Variants in TNRC6A observed in about 807,000 individuals in gnomAD.
TNRC6A encodes trinucleotide repeat containing adaptor 6A, also known as trinucleotide repeat-containing gene 6A protein.
A neutral mutation model predicts 221.2 loss-of-function variants in TNRC6A; 44 were observed. The ratio of observed to expected loss-of-function variants is 0.20; its 90% CI spans 0.16 to 0.26. The LOEUF is 0.26. TNRC6A is among the 10% of genes least tolerant of loss of function. The pLI, the probability that TNRC6A is intolerant of heterozygous loss-of-function variation, is 1.00. For synonymous variants in TNRC6A, 847 were observed against 838.5 expected, an observed-to-expected ratio of 1.01 and a Z score of -0.18; for missense variants, 2,199 against 2,404.4, an observed-to-expected ratio of 0.91 and a Z score of 1.79.
intron 2 of TNRC6A, among the ~76,000 whole-genome samples, chr16:24,709,746 G>T (rs1416670585): frequency 6.7e-6 from 1 of 149,936 alleles, no homozygotes; most frequent in Non-Finnish European, 1.5e-5. Flanking sequence ...GATCACTTGA[G>T]CCCAGGAGGT....
In TNRC6A at chr16:24,793,577, C is replaced by T. The variant is rs1161635265; in HGVS notation, c.3280C>T (p.Pro1094Ser). ...PIDSGPSWGE[P>S]IAAASSTSTW... Reference sequence around the variant, plus strand: ...AGACAGTGGTCCCAGCTGGGGGGAACCCATTGCTGCGGCATCCAGCACATC... The same window carrying T: ...AGACAGTGGTCCCAGCTGGGGGGAATCCATTGCTGCGGCATCCAGCACATC... The change falls in exon 7 of 25, where the codon CCC (proline) becomes TCC (serine). Residue 1094 changes from proline to serine, a missense_variant. By Grantham distance (74) the Pro-to-Ser change is moderately conservative (BLOSUM62 -1). Around this residue, in one of 8 missense-constraint regions of TNRC6A, gnomAD observed 1,405 missense variants for 1,400.2 expected, o/e 1.00. Transcript: ENST00000395799. 6.4e-7 allele frequency: 1 copy of T among 1,566,784 alleles called. No individual in the cohort carries two copies. The highest frequency in any genetic ancestry group is 8.7e-7 in the Non-Finnish European group (1 of 1,155,384).
intron 18 of TNRC6A, 129 bp from the exon 19 acceptor site, chr16:24,815,018 G>A: frequency 3.1e-6 from 3 of 953,910 alleles, no homozygotes; most frequent in South Asian, 1.7e-5. Context: ...ATATAAAAGA[G>A]TTACTCTAGA....
chr16:24,640,001 C>CA (rs1901855251), intron 1 of TNRC6A, among the ~76,000 whole-genome samples: 1 of 152,120 alleles, frequency 6.6e-6, no homozygotes, highest in Non-Finnish European at 1.5e-5. Flanking sequence ...ATGATAGGTG[C>CA]AATCTCATGT....
chr16:24,613,490 T>C (rs1900175510), intron 1 of TNRC6A, among the ~76,000 whole-genome samples: 1 of 139,028 alleles, frequency 7.2e-6, no homozygotes, highest in Admixed American at 7.7e-5. Flanking sequence ...TTTTATTTTA[T>C]TTTATTTTAT....
rs148540830 is a variant in TNRC6A at position 24,789,550 on chromosome 16, A to C, written c.908A>C (p.Asn303Thr). Residue 303 changes from asparagine (N) to threonine (T), a missense_variant, in exon 6 of 25, where the codon AAT (asparagine) becomes ACT (threonine). This residue lies in a region of TNRC6A where 1,405 missense variants were observed against 1,400.2 expected (regional missense o/e 1.00). Coordinates refer to ENST00000395799, the MANE Select transcript of TNRC6A (RefSeq NM_014494.4). ...TTTGTAGTTGGTAGCAGCAGCAATA[A>C]TGTGGGCCATGGAAGTAGTACTGGG... The part of the protein sequence containing the change: ...NKFVVGSSSN[N>T]VGHGSSTGPW... The C allele has an allele frequency of 2.9e-5, 47 of 1,614,144 alleles. No individual in the cohort carries two copies. In the African/African-American group the frequency reaches 5.6e-4, roughly 19 times the overall value.
Position 24,789,269 on chromosome 16 carries a change from T to G in TNRC6A, c.627T>G (p.Asn209Lys). The G allele has an allele frequency of 6.2e-7, 1 of 1,610,166 alleles. No homozygotes were observed. The highest frequency in any genetic ancestry group is 8.5e-7 in the Non-Finnish European group (1 of 1,178,138). ...NHSTSGSHYENSQRGPVSSTS... is the reference protein window; with the variant it reads ...NHSTSGSHYEKSQRGPVSSTS... ...GTACTTCAGGATCCCATTATGAAAA[T>G]TCCCAGCGGGGACCTGTGTCTTCTA... is the stretch of plus-strand genomic sequence containing the variant. The change falls in exon 6 of 25, where the codon AAT becomes AAG. Residue 209 changes from asparagine to lysine, a missense_variant. Asn to Lys is a moderately conservative substitution (Grantham distance 94). Around this residue, in one of 8 missense-constraint regions of TNRC6A, gnomAD observed 1,405 missense variants for 1,400.2 expected, o/e 1.00. Coordinates refer to ENST00000395799, the MANE Select transcript of TNRC6A (RefSeq NM_014494.4).
At chr16:24,782,331 G>A (rs1267216044) in intron 5 of TNRC6A, among the ~76,000 whole-genome samples, 1 of 152,194 alleles carries the variant, frequency 6.6e-6, no homozygotes, top group East Asian at 1.9e-4. Flanking sequence ...TTGTGATATT[G>A]CATTTGTCTT....
intron 2 of TNRC6A, among the ~76,000 whole-genome samples, chr16:24,648,441 T>TTTA (rs1326772955): frequency 1.3e-5 from 2 of 151,960 alleles, no homozygotes; most frequent in African/African-American, 4.8e-5. Context: ...TGGCTAATTT[T>TTTA]TTGTATTTTT....
intron 2 of TNRC6A, among the ~76,000 whole-genome samples, chr16:24,717,423 C>T (rs941782152): frequency 5.3e-5 from 8 of 152,030 alleles, no homozygotes; most frequent in Non-Finnish European, 7.4e-5. Flanking sequence ...AAAAGCTGGG[C>T]GCCATTATCA....
At position 24,816,973 on chromosome 16, in the gene TNRC6A, A is replaced by G. The variant is rs895981646; in HGVS notation, c.4972+17A>G. The G allele has an allele frequency of 6.2e-6, 10 of 1,606,358 alleles. No individual in the cohort carries two copies. The African/African-American group carries it at 9.4e-5, about 15-fold the overall frequency. ...GGAACAGTGGTACGTAGGGGGTGCA[A>G]ATCAATTTCTGAGTGACACTTAACA... is the stretch of plus-strand genomic sequence containing the variant. On this transcript the variant is annotated intron_variant, in intron 20 of 24. Transcript: ENST00000395799.
chr16:24,634,375 A>G (rs1450547481), intron 1 of TNRC6A, among the ~76,000 whole-genome samples: 1 of 152,142 alleles, frequency 6.6e-6, no homozygotes, highest in Non-Finnish European at 1.5e-5. Flanking sequence ...GGTTGCAGTG[A>G]GCCGAGATCA....
chr16:24,792,613 CTTT>C (rs34670934), intron 6 of TNRC6A, among the ~76,000 whole-genome samples: 1,811 of 55,972 alleles, frequency 0.032, 2 homozygotes, highest in Non-Finnish European at 0.043. Context: ...ACATTTATGG[CTTT>C]TTTTTTTTTT....
chr16:24,757,174 T>G (rs1308143546), intron 3 of TNRC6A, among the ~76,000 whole-genome samples: 2 of 152,134 alleles, frequency 1.3e-5, no homozygotes, highest in African/African-American at 4.8e-5. Flanking sequence ...GAGTAAAAGA[T>G]GAGCCTCCAT....
chr16:24,664,585 AT>A (rs1234162411), intron 2 of TNRC6A, among the ~76,000 whole-genome samples: 14 of 143,972 alleles, frequency 9.7e-5, no homozygotes, highest in African/African-American at 3.5e-4. Context: ...TTATTTAAAT[AT>A]TTTAAATATA....
Position 24,729,723 on chromosome 16 carries a change from GGT to G in TNRC6A, c.-118_-117del. The G allele has an allele frequency of 4.3e-6, 5 of 1,169,698 alleles. No individual in the cohort carries two copies. The highest frequency in any genetic ancestry group is 2.6e-5 in the South Asian group (1 of 37,990). 72.5% of individuals were successfully genotyped at this position (1,169,698 alleles called of 1,614,324 possible). ...GGCGGCGGCGGCGGCGGCGGCAGCG[GGT>G]CGGTGTAGAAAATGGCGCTGGTGCA... On this transcript the variant is annotated 5_prime_UTR_variant, in exon 1 of 25. Transcript: ENST00000395799.
At chr16:24,706,691 CAAAAAAA>C (rs372757286) in intron 2 of TNRC6A, among the ~76,000 whole-genome samples, 1 of 85,506 alleles carries the variant, frequency 1.2e-5, no homozygotes, top group African/African-American at 4.4e-5. Flanking sequence ...GACTCTGTCT[CAAAAAAA>C]AAAAAAAAAA....
intron 2 of TNRC6A, among the ~76,000 whole-genome samples, chr16:24,645,851 A>AAAAAAAAAAAAAAAAC (rs1902256487): frequency 7.2e-6 from 1 of 138,168 alleles, no homozygotes; most frequent in Non-Finnish European, 1.5e-5. Flanking sequence ...AAAAAAAAAA[A>AAAAAAAAAAAAAAAAC]AAAAAAAAAA....
At position 24,822,894 on chromosome 16, in the gene TNRC6A, C is replaced by T. The variant is rs2058795648; in HGVS notation, c.5394C>T (p.Arg1798=). ...CCTAGATCGATGGCTCAACTCTGCG[C>T]ACTCTGTGCATGCAGCACGGCCCGC... is the stretch of plus-strand genomic sequence containing the variant. ...LTPQIDGSTL[R]TLCMQHGPLI... is the part of the protein sequence containing the mutation. Residue 1798 remains arginine, a synonymous_variant, in exon 24 of 25, where the codon CGC becomes CGT. Transcript: ENST00000395799. 2 of 1,613,908 alleles carry T rather than the reference C, an allele frequency of 1.2e-6. No homozygotes were observed. Among genetic ancestry groups the T allele is most frequent in the East Asian group, 2.2e-5 (1 of 44,890 alleles).
chr16:24,771,791 G>C (rs2057617089), intron 4 of TNRC6A, among the ~76,000 whole-genome samples: 1 of 152,072 alleles, frequency 6.6e-6, no homozygotes, highest in Admixed American at 6.5e-5. Flanking sequence ...GACCCTTTCA[G>C]AGTTTCTGCT....
Sources: allele counts gnomAD v4.1 joint callset (sites outside exome capture counted in the v4.1 genomes callset), GRCh38; gene constraint gnomAD v4.1.1; regional missense constraint gnomAD v4.1.1; transcripts MANE v1.5; gene names NCBI Gene and HGNC (gene_info 2026-07-23, HGNC 2026-07-21).